The following TMEM114 variants were observed in gnomAD, a reference collection of about 807,000 sequenced individuals.
TMEM114 encodes the protein transmembrane protein 114.
Under a neutral mutation model 6.2 loss-of-function variants are expected in TMEM114, and 6 were observed. The ratio of observed to expected loss-of-function variants is 0.97; its 90% CI spans 0.53 to 1.91. The LOEUF is 1.91. Among genes scored for constraint, TMEM114 ranks in the 40% most tolerant of loss-of-function variants. The pLI is 0.01. For missense variants in TMEM114, 218 were observed against 158.3 expected (o/e 1.38, Z -2.02); for synonymous variants, 104 against 73.0 (o/e 1.42, Z -2.16).
At chr16:8,564,619 G>T (rs1329287428), downstream of TMEM114, among the ~76,000 whole-genome samples, 3 of 139,822 alleles carry the variant, frequency 2.1e-5, no homozygotes, top group Non-Finnish European at 3.2e-5. Context: ...ATGAGTGAGT[G>T]AATGAGTGAG....
chr16:8,532,650 C>T (rs1437581529), downstream of TMEM114, among the ~76,000 whole-genome samples: 1 of 152,208 alleles, frequency 6.6e-6, no homozygotes, highest in African/African-American at 2.4e-5. Flanking sequence ...TCAGGCCAGG[C>T]ACAGTGGCTC....
In TMEM114 at chr16:8,561,902, G is replaced by C. The variant is rs1199150682; in HGVS notation, n.213-24076C>G. 6.8e-5 allele frequency among the ~76,000 whole-genome samples: 5 copies of C among 73,884 alleles called. 1 individual carries two copies. In the South Asian group the frequency reaches 1.8e-3, roughly 27 times the overall value. The allele number at this position is 73,884 out of a possible 152,430, so 48.5% of individuals were successfully genotyped here. On this transcript the variant is annotated intron_variant and non_coding_transcript_variant, in intron 2 of 2. Coordinates refer to the TMEM114 transcript ENST00000623677. ...TGAATGAGTGAGTGAATGAGTAAATGAGTGAATGAATGAGTAAGTGAATGA... is the reference window on the plus strand; with the variant it reads ...TGAATGAGTGAGTGAATGAGTAAATCAGTGAATGAATGAGTAAGTGAATGA...
At chr16:8,565,303 A>T (rs1352384456), downstream of TMEM114, among the ~76,000 whole-genome samples, 1 of 152,300 alleles carries the variant, frequency 6.6e-6, no homozygotes, top group East Asian at 1.9e-4. Context: ...TGAATATATA[A>T]ATAAGTGAAG....
In TMEM114 at chr16:8,589,301, G is replaced by C. The variant is rs1212776705; in HGVS notation, c.221-8C>G. The stretch of plus-strand genomic sequence containing the variant: ...GTGTGCACGGGCTCTGCACTGGATA[G>C]GACGGAGGAATCCATGGGTGCAGGA... On this transcript the variant is annotated splice_region_variant and splice_polypyrimidine_tract_variant and intron_variant, in intron 1 of 3. Transcript: ENST00000620492. 5.0e-6 allele frequency: 2 copies of C among 398,752 alleles called. No individual in the cohort carries two copies. The highest frequency in any genetic ancestry group is 8.8e-6 in the Non-Finnish European group (2 of 226,156). The allele number at this position is 398,752 out of a possible 1,614,324, so 24.7% of individuals were successfully genotyped here.
chr16:8,583,304 G>A (rs1369184904), intron 2 of TMEM114, among the ~76,000 whole-genome samples: 1 of 152,184 alleles, frequency 6.6e-6, no homozygotes, highest in Non-Finnish European at 1.5e-5. Flanking sequence ...AAAGCTTGAG[G>A]CTCAGGAAGG....
downstream of TMEM114, among the ~76,000 whole-genome samples, chr16:8,532,853 G>A (rs1465145650): frequency 6.6e-6 from 1 of 152,122 alleles, no homozygotes; most frequent in South Asian, 2.1e-4. Flanking sequence ...GAACCCAGGA[G>A]GCGGAGCTTG....
chr16:8,589,380 T>G (rs1440280019), intron 1 of TMEM114, 87 bp from the exon 2 acceptor site: 1 of 398,598 alleles, frequency 2.5e-6, no homozygotes, highest in African/African-American at 2.1e-5. Flanking sequence ...ATGCTCACCC[T>G]AAGTGCCCCA....
chr16:8,542,171 G>T (rs1900536313), intron 2 of TMEM114, among the ~76,000 whole-genome samples: 1 of 151,974 alleles, frequency 6.6e-6, no homozygotes, highest in African/African-American at 2.4e-5. Context: ...CAAGGAGGAT[G>T]TGAAACCAGG....
At chr16:8,548,703 TACACAGAAA>T (rs1900749027) in intron 2 of TMEM114, among the ~76,000 whole-genome samples, 1 of 151,024 alleles carries the variant, frequency 6.6e-6, no homozygotes, top group Non-Finnish European at 1.5e-5. Flanking sequence ...TGTATATATA[TACACAGAAA>T]AAAAATACAC....
intron 2 of TMEM114, among the ~76,000 whole-genome samples, chr16:8,574,778 A>G (rs1901860854): frequency 6.6e-6 from 1 of 152,140 alleles, no homozygotes; most frequent in Non-Finnish European, 1.5e-5. Context: ...TGGCAGCCCC[A>G]TGTGAGTTTC....
At chr16:8,536,224 CA>C (rs34583203), downstream of TMEM114, among the ~76,000 whole-genome samples, 22,281 of 107,216 alleles carry the variant, frequency 0.21, 1,684 homozygotes, top group Middle Eastern at 0.29. Flanking sequence ...AACTCTGTCT[CA>C]AAAAAAAAAA....
intron 2 of TMEM114, among the ~76,000 whole-genome samples, chr16:8,548,570 G>A (rs753803522): frequency 6.6e-6 from 1 of 152,024 alleles, no homozygotes; most frequent in Non-Finnish European, 1.5e-5. Context: ...GCAGGGCCAC[G>A]AACCATTGTA....
chr16:8,556,980 G>A lies in TMEM114; in HGVS notation n.213-19154C>T, dbSNP rs147462424. Among the ~76,000 whole-genome samples the A allele has an allele frequency of 5.6e-3, 846 of 152,276 alleles. 3 individuals are homozygous for A. The highest frequency in any genetic ancestry group is 0.014 in the Middle Eastern group (4 of 294). On this transcript the variant is annotated intron_variant and non_coding_transcript_variant, in intron 2 of 2. Transcript: ENST00000623677. ...GGATGCAAATAAATAGTTGGATTTTGCTGGGGACCAGAGCTGGAGGTGTCT... is the reference window on the plus strand; with the variant it reads ...GGATGCAAATAAATAGTTGGATTTTACTGGGGACCAGAGCTGGAGGTGTCT...
chr16:8,584,972 A>G (rs1902275071), intron 2 of TMEM114, among the ~76,000 whole-genome samples: 1 of 151,940 alleles, frequency 6.6e-6, no homozygotes, highest in Non-Finnish European at 1.5e-5. Context: ...AAAGAAAAAG[A>G]AAAAGACACA....
intron 2 of TMEM114, among the ~76,000 whole-genome samples, chr16:8,540,099 C>G (rs554776344): frequency 3.9e-5 from 6 of 152,222 alleles, no homozygotes; most frequent in Non-Finnish European, 5.9e-5. Flanking sequence ...GCTGGGATTA[C>G]AGGCTTGAAC....
chr16:8,558,142 A>G lies in TMEM114; in HGVS notation n.213-20316T>C, dbSNP rs149705094. ...GTGGTGCATGCTTGTAATCCCAGCT[A>G]CTAGGGAGGCTGAGGCAGGAGAATC... On this transcript the variant is annotated intron_variant and non_coding_transcript_variant, in intron 2 of 2. Coordinates refer to the TMEM114 transcript ENST00000623677. 4.5e-4 allele frequency among the ~76,000 whole-genome samples: 68 copies of G among 152,302 alleles called. No individual in the cohort carries two copies. The East Asian group carries it at 0.012, about 27-fold the overall frequency.
the TMEM114 span, among the ~76,000 whole-genome samples, chr16:8,531,616 A>G: frequency 6.6e-6 from 1 of 152,198 alleles, no homozygotes; most frequent in Non-Finnish European, 1.5e-5. Context: ...TCTGAGACCA[A>G]AGTTCCTGCT....
chr16:8,564,238 T>G lies in TMEM114; in HGVS notation n.212+24975A>C, dbSNP rs186097664. On this transcript the variant is annotated intron_variant and non_coding_transcript_variant, in intron 2 of 2. Coordinates refer to the TMEM114 transcript ENST00000623677. ...GTGAGTTAGTGAATGAGTGAGTTAG[T>G]GAATGAGTGAGTGAGTGAATGAGTG... is the stretch of plus-strand genomic sequence containing the variant. 1.1e-3 allele frequency among the ~76,000 whole-genome samples: 10 copies of G among 9,224 alleles called. 1 individual carries two copies. The highest frequency in any genetic ancestry group is 3.2e-3 in the African/African-American group (9 of 2,824). The allele number at this position is 9,224 out of a possible 152,430, so 6.1% of individuals were successfully genotyped here.
chr16:8,537,381 G>T (rs570890172), downstream of TMEM114, among the ~76,000 whole-genome samples: 2 of 152,160 alleles, frequency 1.3e-5, no homozygotes, highest in African/African-American at 4.8e-5. Context: ...CACGCCTGTA[G>T]TCCCAGCTAC....
Sources: allele counts gnomAD v4.1 joint callset (sites outside exome capture counted in the v4.1 genomes callset), GRCh38; gene constraint gnomAD v4.1.1; transcripts MANE v1.5; gene names NCBI Gene and HGNC (gene_info 2026-07-23, HGNC 2026-07-21).